Variants in L3MBTL1 observed in about 807,000 individuals in gnomAD.
L3MBTL1 encodes the protein L3MBTL histone methyl-lysine binding protein 1.
A neutral mutation model predicts 105.3 loss-of-function variants in L3MBTL1; 75 were observed. The ratio of observed to expected loss-of-function variants is 0.71; its 90% CI spans 0.59 to 0.86. The LOEUF (loss-of-function observed/expected upper bound fraction) is 0.86, where lower values mean the gene tolerates loss of function less well. Among genes scored for constraint, L3MBTL1 ranks in the 40% least tolerant of loss-of-function variants. The probability of loss-of-function intolerance (pLI) is 0.00; values close to 1 mark genes in which losing one functional copy is unlikely to be tolerated. For missense variants in L3MBTL1, 1,069 were observed against 1,126.4 expected, an observed-to-expected ratio of 0.95 and a Z score of 0.73; for synonymous variants, 452 against 436.2, an observed-to-expected ratio of 1.04 and a Z score of -0.45.
chr20:43,548,170 C>T (rs933055685), exon 19 of L3MBTL1: 18 of 1,304,220 alleles, frequency 1.4e-5, no homozygotes, highest in East Asian at 1.1e-4. Flanking sequence ...AGATCATGAG[C>T]GTCAAGCTGG....
At chr20:43,543,204 C>T (rs1978339740), downstream of L3MBTL1, among the ~76,000 whole-genome samples, 1 of 151,898 alleles carries the variant, frequency 6.6e-6, no homozygotes, top group Admixed American at 6.6e-5. Flanking sequence ...TTGATTCTGT[C>T]ATCTACGATG....
At chr20:43,546,728 A>G (rs1978625578), downstream of L3MBTL1, among the ~76,000 whole-genome samples, 1 of 152,132 alleles carries the variant, frequency 6.6e-6, no homozygotes, top group Non-Finnish European at 1.5e-5. Flanking sequence ...GACTCTACCC[A>G]TATACCTAGC....
At chr20:43,515,958 G>A (rs2018366645) in intron 6 of L3MBTL1, 135 bp from the exon 7 acceptor site, 4 of 639,628 alleles carry the variant, frequency 6.3e-6, no homozygotes, top group Non-Finnish European at 1.1e-5. Context: ...TCCTGCTGGC[G>A]GCCTAGAAGA....
chr20:43,529,491 GAAGCTGGAATACATAGA>G, intron 9 of L3MBTL1, 123 bp downstream of exon 9: 1 of 711,440 alleles, frequency 1.4e-6, no homozygotes, highest in Non-Finnish European at 2.5e-6. Context: ...AGTAGTGGAT[GAAGCTGGAATACATAGA>G]AAGCTTAAAA....
At chr20:43,524,072 C>T (rs760576818) in intron 7 of L3MBTL1, among the ~76,000 whole-genome samples, 1 of 151,830 alleles carries the variant, frequency 6.6e-6, no homozygotes, top group South Asian at 2.1e-4. Context: ...AGCAATCCTC[C>T]TACCTCAGCC....
chr20:43,514,972 T>G, intron 4 of L3MBTL1, 37 bp from the exon 5 acceptor site: 1 of 1,604,694 alleles, frequency 6.2e-7, no homozygotes, highest in Non-Finnish European at 8.5e-7. Flanking sequence ...GTGGCTGCGA[T>G]GGGGAGGGAG....
At chr20:43,513,752 C>T (rs2018205531) in intron 2 of L3MBTL1, 86 bp from the exon 3 acceptor site, 1 of 1,536,038 alleles carries the variant, frequency 6.5e-7, no homozygotes, top group African/African-American at 1.4e-5. Context: ...ACCTGCCTTC[C>T]TTCACATGCC....
chr20:43,538,371 A>G (rs2019738331), intron 19 of L3MBTL1, among the ~76,000 whole-genome samples: 1 of 152,220 alleles, frequency 6.6e-6, no homozygotes, highest in Non-Finnish European at 1.5e-5. Context: ...CTGGCAAAGA[A>G]GGGCTCACCC....
downstream of L3MBTL1, among the ~76,000 whole-genome samples, chr20:43,543,964 G>A (rs1978404898): frequency 6.6e-6 from 1 of 152,234 alleles, no homozygotes; most frequent in African/African-American, 2.4e-5. Flanking sequence ...GGTAAGAACA[G>A]GTCCCTGCTC....
At chr20:43,540,880 G>A (rs1239366179) in intron 21 of L3MBTL1, 54 bp from the exon 22 acceptor site, 1 of 1,612,492 alleles carries the variant, frequency 6.2e-7, no homozygotes, top group African/African-American at 1.3e-5. Context: ...GCAGGAAGCA[G>A]GTGCCCTCCC....
Position 43,517,660 on chromosome 20 carries a change from A to G in L3MBTL1, c.862+1483A>G, listed in dbSNP as rs534549493. Among the ~76,000 whole-genome samples the G allele has an allele frequency of 2.0e-5, 3 of 152,224 alleles. No homozygotes were observed. In the South Asian group the frequency reaches 6.2e-4, roughly 32 times the overall value. ...CAATCAGTGTTTGTTCAGTGGATGA[A>G]TGGATTGAATGGATGATTTTTATGT... On this transcript the variant is annotated intron_variant, in intron 7 of 21. Transcript: ENST00000418998.
At chr20:43,547,102 C>CTTTT (rs11478523) in intron 18 of L3MBTL1, among the ~76,000 whole-genome samples, 9 of 122,640 alleles carry the variant, frequency 7.3e-5, no homozygotes, top group African/African-American at 9.5e-5. Context: ...TTTTTAATGA[C>CTTTT]TTTTTTTTTT....
Position 43,528,723 on chromosome 20 carries a change from C to A in L3MBTL1, c.929C>A (p.Ala310Asp). The part of the protein sequence containing the change: ...SYLEEQKAIT[A>D]PVSLFQDSQA... ...CTAGAGGAGCAGAAGGCCATTACTG[C>A]TCCAGTCAGCCTCTTCCAGGACGTG... Residue 310 changes from alanine to aspartate, a missense_variant, in exon 8 of 22, where the codon GCT (alanine) becomes GAT (aspartate). Transcript: ENST00000418998. 1 of 1,613,830 alleles carries A rather than the reference C, an allele frequency of 6.2e-7. No homozygotes were observed. The highest frequency in any genetic ancestry group is 8.5e-7 in the Non-Finnish European group (1 of 1,179,694).
chr20:43,512,978 C>T lies in L3MBTL1; in HGVS notation c.-28-498C>T, dbSNP rs138499931. ...GGACAGGGCCATAAAAGAACATGAT[C>T]AGGAAAGATCCCACCTCCCAGGAAG... On this transcript the variant is annotated intron_variant, in intron 1 of 21. Transcript: ENST00000418998. Among the ~76,000 whole-genome samples, 1,465 of 152,258 alleles carry T rather than the reference C, an allele frequency of 9.6e-3. 13 individuals carry two copies. Among genetic ancestry groups the T allele is most frequent in the Non-Finnish European group, 0.016 (1,065 of 68,018 alleles).
In L3MBTL1 at chr20:43,534,109, C is replaced by G. The variant is rs1439355525; in HGVS notation, c.1599+16C>G. 6.2e-7 allele frequency: 1 copy of G among 1,606,354 alleles called. No homozygotes were observed. The highest frequency in any genetic ancestry group is 2.2e-5 in the East Asian group (1 of 44,840). On this transcript the variant is annotated intron_variant, in intron 14 of 21. Transcript: ENST00000418998. Reference sequence around the variant, plus strand: ...CTTCAAGGTGGTGAGTCAGTGCTCCCTGACCCCAGAGCTGAGCTCAGAAAG... The same window carrying G: ...CTTCAAGGTGGTGAGTCAGTGCTCCGTGACCCCAGAGCTGAGCTCAGAAAG...
chr20:43,543,526 G>A (rs1393415790), downstream of L3MBTL1, among the ~76,000 whole-genome samples: 1 of 152,220 alleles, frequency 6.6e-6, no homozygotes, highest in Non-Finnish European at 1.5e-5. Flanking sequence ...AGTGGCCAAA[G>A]GGAGGTGTAC....
intron 11 of L3MBTL1, 76 bp downstream of exon 11, chr20:43,530,965 T>G (rs2019307019): frequency 2.3e-5 from 28 of 1,193,498 alleles, no homozygotes; most frequent in Non-Finnish European, 3.2e-5. Context: ...GGTATCTGAC[T>G]CATCAGAAGG....
At position 43,528,608 on chromosome 20, in the gene L3MBTL1, A is replaced by C. The variant is rs2071971; in HGVS notation, c.863-49A>C. On this transcript the variant is annotated intron_variant, in intron 7 of 21. Coordinates refer to ENST00000418998, the MANE Select transcript of L3MBTL1 (RefSeq NM_001377303.1). ...TGGTCAGGGGAAGCCGAAGAAAGTC[A>C]TATATCAGGAACAGCCCAGGAGTTA... 4,497 of 1,418,006 alleles carry C rather than the reference A, an allele frequency of 3.2e-3. 93 individuals are homozygous for C. The East Asian group carries it at 0.034, about 11-fold the overall frequency. 87.8% of individuals were successfully genotyped at this position (1,418,006 alleles called of 1,614,324 possible). A position where few individuals can be genotyped will look rare whatever the true frequency, so the allele number is the denominator to read the frequency against.
At chr20:43,521,208 G>A (rs965195823) in intron 7 of L3MBTL1, among the ~76,000 whole-genome samples, 1 of 152,178 alleles carries the variant, frequency 6.6e-6, no homozygotes, top group Non-Finnish European at 1.5e-5. Flanking sequence ...CAAATTGAAA[G>A]CAAAAAGACC....
Sources: allele counts gnomAD v4.1 joint callset (sites outside exome capture counted in the v4.1 genomes callset), GRCh38; gene constraint gnomAD v4.1.1; transcripts MANE v1.5; gene names NCBI Gene and HGNC (gene_info 2026-07-23, HGNC 2026-07-21).